Variants in DMGDH observed in about 807,000 individuals in gnomAD.
The protein encoded by DMGDH is dimethylglycine dehydrogenase, mitochondrial.
In DMGDH, 76 loss-of-function variants were observed where a neutral mutation model predicts 95.2. The ratio of observed to expected loss-of-function variants is 0.80; its 90% CI spans 0.66 to 0.97. The LOEUF is 0.97. Among genes scored for constraint, DMGDH ranks in the 50% least tolerant of loss-of-function variants. The pLI, the probability that DMGDH is intolerant of heterozygous loss-of-function variation, is 0.00. For missense variants in DMGDH, 987 were observed against 1,055.0 expected (o/e 0.94, Z 0.89); for synonymous variants, 345 against 377.6 (o/e 0.91, Z 1.00).
At chr5:79,018,419 T>G (rs1484151876) in intron 14 of DMGDH, among the ~76,000 whole-genome samples, 1 of 152,142 alleles carries the variant, frequency 6.6e-6, no homozygotes, top group East Asian at 1.9e-4. Flanking sequence ...AAGTATATAC[T>G]CTATGATTCC....
intron 5 of DMGDH, among the ~76,000 whole-genome samples, chr5:79,048,993 TG>T (rs1250466051): frequency 6.6e-6 from 1 of 152,114 alleles, no homozygotes; most frequent in Non-Finnish European, 1.5e-5. Flanking sequence ...TGGAAGTGGC[TG>T]GGCAAAAAGC....
chr5:79,000,926 T>C (rs1753441464), intron 15 of DMGDH: 3 of 670,922 alleles, frequency 4.5e-6, no homozygotes, highest in South Asian at 1.8e-5. Context: ...CAGGTGGAGC[T>C]GTACCTGGGT....
At chr5:79,021,086 T>G in intron 14 of DMGDH, 1 of 986,016 alleles carries the variant, frequency 1.0e-6, no homozygotes, top group Non-Finnish European at 1.2e-6. Context: ...TATGAGTCGT[T>G]TCAGGTGAAG....
intron 14 of DMGDH, among the ~76,000 whole-genome samples, chr5:79,019,125 T>G (rs891172066): frequency 6.6e-6 from 1 of 152,166 alleles, no homozygotes; most frequent in African/African-American, 2.4e-5. Context: ...ATTTTAGACT[T>G]GCAAAAGTAG....
At chr5:79,023,935 T>A (rs1753928676) in intron 14 of DMGDH, among the ~76,000 whole-genome samples, 1 of 152,208 alleles carries the variant, frequency 6.6e-6, no homozygotes, top group Admixed American at 6.5e-5. Context: ...CAGGAGTTAC[T>A]GCAAAATACA....
At chr5:79,027,094 A>T (rs1377620026) in intron 12 of DMGDH, among the ~76,000 whole-genome samples, 1 of 152,150 alleles carries the variant, frequency 6.6e-6, no homozygotes. Flanking sequence ...TTCCCTAGTC[A>T]TTTCCTTCAC....
Position 79,051,323 on chromosome 5 carries a change from C to T in DMGDH, c.709G>A (p.Gly237Arg). Residue 237 changes from glycine to arginine, a missense_variant, in exon 5 of 16, where the codon GGG (glycine) becomes AGG (arginine). Physicochemically the swap from Gly to Arg is moderately radical, Grantham distance 125. Transcript: ENST00000255189. ...ACAATTCTATTTGCTCTCATAGACC[C>T]CTGTGGTGTTTCAACGTCCCATGTT... ...DGTWDVETPQ[G>R]SMRANRIVNA... 1.5e-5 allele frequency: 24 copies of T among 1,614,176 alleles called. No individual in the cohort carries two copies. The highest frequency in any genetic ancestry group is 1.9e-5 in the Non-Finnish European group (23 of 1,180,024).
At chr5:79,022,591 C>A (rs1753896214) in intron 14 of DMGDH, among the ~76,000 whole-genome samples, 1 of 152,106 alleles carries the variant, frequency 6.6e-6, no homozygotes, top group Admixed American at 6.5e-5. Context: ...GAATGAGAAA[C>A]AACAATTCAG....
In DMGDH at chr5:79,039,488, G is replaced by A. The variant is rs953140439; in HGVS notation, c.1193+2795C>T. On this transcript the variant is annotated intron_variant, in intron 7 of 15. Coordinates refer to ENST00000255189, the MANE Select transcript of DMGDH (RefSeq NM_013391.3). ...AACCAAACACCACATATTCTCACTC[G>A]TAGGTCGGAATTGAACAATGAGAAC... 8.5e-5 allele frequency among the ~76,000 whole-genome samples: 13 copies of A among 152,078 alleles called. No individual in the cohort carries two copies. In the East Asian group the frequency reaches 9.7e-4, roughly 11 times the overall value.
intron 5 of DMGDH, among the ~76,000 whole-genome samples, chr5:79,050,055 G>A (rs909840271): frequency 5.3e-5 from 8 of 151,402 alleles, no homozygotes; most frequent in South Asian, 2.1e-4. Flanking sequence ...TCAGGAGTTC[G>A]AGAGGAGCCT....
intron 7 of DMGDH, among the ~76,000 whole-genome samples, chr5:79,036,618 T>G (rs1754354367): frequency 6.6e-6 from 1 of 151,998 alleles, no homozygotes; most frequent in South Asian, 2.1e-4. Context: ...ATTCTGCGAG[T>G]AAGGTAAATG....
chr5:79,018,205 G>A (rs1025622067), intron 14 of DMGDH, among the ~76,000 whole-genome samples: 7 of 152,090 alleles, frequency 4.6e-5, no homozygotes, highest in Non-Finnish European at 8.8e-5. Flanking sequence ...GTGTCACCAT[G>A]CCCGGCTAAT....
chr5:79,010,714 T>A (rs1753633912), intron 14 of DMGDH, among the ~76,000 whole-genome samples: 1 of 152,214 alleles, frequency 6.6e-6, no homozygotes, highest in Non-Finnish European at 1.5e-5. Flanking sequence ...TGTGACTTTT[T>A]ACACCCTCAT....
intron 4 of DMGDH, among the ~76,000 whole-genome samples, chr5:79,053,675 T>C (rs1398547108): frequency 6.6e-6 from 1 of 152,224 alleles, no homozygotes; most frequent in African/African-American, 2.4e-5. Context: ...CTAAATTTCA[T>C]GTCAAGTAGG....
intron 14 of DMGDH, chr5:79,021,640 G>T: frequency 1.5e-6 from 2 of 1,318,580 alleles, no homozygotes; most frequent in Middle Eastern, 2.1e-4. Context: ...TGCTCACCCA[G>T]CCATTTTCCT....
chr5:79,020,133 T>C (rs966681585), intron 14 of DMGDH, among the ~76,000 whole-genome samples: 3 of 152,222 alleles, frequency 2.0e-5, no homozygotes, highest in African/African-American at 7.2e-5. Context: ...TGAAAATCTT[T>C]GGTTGAAGAC....
chr5:79,047,751 TTC>T (rs1754723921), intron 5 of DMGDH, among the ~76,000 whole-genome samples: 2 of 152,170 alleles, frequency 1.3e-5, no homozygotes, highest in African/African-American at 4.8e-5. Context: ...AGTCATTATA[TTC>T]TCTCTCCTAG....
At chr5:79,050,273 A>AATATATATATATATAT (rs761250761) in intron 5 of DMGDH, among the ~76,000 whole-genome samples, 8 of 20,924 alleles carry the variant, frequency 3.8e-4, no homozygotes, top group African/African-American at 1.2e-3. Context: ...AAAAAAAAAA[A>AATATATATATATATAT]ATATATATAT....
At chr5:79,065,235 T>C (rs1755338509) in intron 1 of DMGDH, among the ~76,000 whole-genome samples, 1 of 150,720 alleles carries the variant, frequency 6.6e-6, no homozygotes, top group Non-Finnish European at 1.5e-5. Flanking sequence ...TTTTTTTTTT[T>C]TGAGACAGCG....
Sources: gnomAD v4.1 joint callset for allele counts (sites outside exome capture counted in the v4.1 genomes callset) on GRCh38, gnomAD v4.1.1 for gene constraint, MANE v1.5 for transcripts, NCBI Gene and HGNC (gene_info 2026-07-23, HGNC 2026-07-21) for gene names.